The following LMX1B variants were observed in gnomAD, a reference collection of about 807,000 sequenced individuals.
LMX1B encodes the protein LIM homeobox transcription factor 1 beta, also known as LIM homeobox transcription factor 1-beta.
In LMX1B, 12 loss-of-function variants were observed where a neutral mutation model predicts 51.4. The ratio of observed to expected loss-of-function variants is 0.23; its 90% CI spans 0.15 to 0.38. The LOEUF is 0.38. LMX1B is among the 10% of genes least tolerant of loss of function. The pLI is 1.00. For synonymous variants in LMX1B, 237 were observed against 235.4 expected (o/e 1.01, Z -0.06); for missense variants, 445 against 571.1 (o/e 0.78, Z 2.25).
intron 2 of LMX1B, among the ~76,000 whole-genome samples, chr9:126,631,138 G>A (rs1413951489): frequency 1.3e-5 from 2 of 152,266 alleles, no homozygotes; most frequent in Admixed American, 6.5e-5. Flanking sequence ...ACCCCTGGAG[G>A]AGGATGGAGC....
rs1835259508 is a variant in LMX1B at position 126,614,449 on chromosome 9, C to T, written c.-1C>T. 1.3e-6 allele frequency: 2 copies of T among 1,532,176 alleles called. No individual in the cohort carries two copies. The highest frequency in any genetic ancestry group is 2.8e-5 in the African/African-American group (2 of 71,200). 94.9% of individuals were successfully genotyped at this position (1,532,176 alleles called of 1,614,324 possible). A position where few individuals can be genotyped will look rare whatever the true frequency, so the allele number is the denominator to read the frequency against. On this transcript the variant is annotated 5_prime_UTR_variant, in exon 1 of 8. Coordinates refer to ENST00000373474, the MANE Select transcript of LMX1B (RefSeq NM_001174147.2). The stretch of plus-strand genomic sequence containing the variant: ...GGGGTCCGCAGCGCGCCCCGCGTCC[C>T]ATGGATATAGCAACAGGTCCCGAGT...
intron 2 of LMX1B, among the ~76,000 whole-genome samples, chr9:126,687,632 C>T (rs1436021073): frequency 6.6e-6 from 1 of 152,216 alleles, no homozygotes; most frequent in Non-Finnish European, 1.5e-5. Context: ...GCCCGCCACA[C>T]CTGCTGCTTT....
chr9:126,652,888 C>T lies in LMX1B; in HGVS notation c.326+37319C>T, dbSNP rs114533384. 7.2e-3 allele frequency among the ~76,000 whole-genome samples: 1,088 copies of T among 152,130 alleles called. 9 individuals are homozygous for T. Among genetic ancestry groups the T allele is most frequent in the African/African-American group, 0.025 (1,038 of 41,482 alleles). On this transcript the variant is annotated intron_variant, in intron 2 of 7. Transcript: ENST00000373474. ...CATGGATGCTGAGGTGTAGCCCCAG[C>T]GGGTGTTGATGGAGAAGAAAAGAGC...
Position 126,677,701 on chromosome 9 carries a change from CGTGAGTGTAACGTCTA to C in LMX1B, c.327-13132_327-13117del, listed in dbSNP as rs759382703. ...CTGAGCACAGGGCTGAACTGGTTCC[CGTGAGTGTAACGTCTA>C]GTAGGAGCGTCTGCCAGCTTCATTC... On this transcript the variant is annotated intron_variant, in intron 2 of 7. Transcript: ENST00000373474. The surrounding 1 kb of genome is among the most constrained non-coding windows in gnomAD (Gnocchi z 5.0). Among the ~76,000 whole-genome samples, 9 of 152,158 alleles carry C rather than the reference CGTGAGTGTAACGTCTA, an allele frequency of 5.9e-5. No homozygotes were observed. The highest frequency in any genetic ancestry group is 1.3e-4 in the Non-Finnish European group (9 of 68,036).
intron 2 of LMX1B, among the ~76,000 whole-genome samples, chr9:126,630,717 T>C (rs1468697118): frequency 1.3e-5 from 2 of 152,310 alleles, no homozygotes; most frequent in East Asian, 1.9e-4. Flanking sequence ...TTTGCAAATA[T>C]ATAGTGAAAG....
chr9:126,625,526 G>GGGGCAGAT lies in LMX1B; in HGVS notation c.326+9958_326+9965dup, dbSNP rs1835507742. ...GAGATGCCAGGCTGGGGCCCTCGGC[G>GGGGCAGAT]GGGCAGATTTCGTTGGATCCCTGGG... On this transcript the variant is annotated intron_variant, in intron 2 of 7. Coordinates refer to ENST00000373474, the MANE Select transcript of LMX1B (RefSeq NM_001174147.2). This position sits in a 1 kb window ranked among gnomAD's most constrained non-coding sequence, Gnocchi z 5.3. Among the ~76,000 whole-genome samples, 1 of 152,202 alleles carries GGGGCAGAT rather than the reference G, an allele frequency of 6.6e-6. No homozygotes were observed. The highest frequency in any genetic ancestry group is 2.4e-5 in the African/African-American group (1 of 41,450).
chr9:126,625,495 C>T lies in LMX1B; in HGVS notation c.326+9926C>T, dbSNP rs1835506822. The stretch of plus-strand genomic sequence containing the variant: ...GCGGGATTGACCAGAAGAGAGAGGC[C>T]GAATGGAGATGCCAGGCTGGGGCCC... On this transcript the variant is annotated intron_variant, in intron 2 of 7. Transcript: ENST00000373474. The surrounding 1 kb of genome is among the most constrained non-coding windows in gnomAD (Gnocchi z 5.3). Among the ~76,000 whole-genome samples, 1 of 152,208 alleles carries T rather than the reference C, an allele frequency of 6.6e-6. No individual in the cohort carries two copies. The highest frequency in any genetic ancestry group is 2.4e-5 in the African/African-American group (1 of 41,456).
At position 126,671,330 on chromosome 9, in the gene LMX1B, A is replaced by G. The variant is rs1465219718; in HGVS notation, c.327-19506A>G. 6.6e-6 allele frequency among the ~76,000 whole-genome samples: 1 copy of G among 152,028 alleles called. No homozygotes were observed. ...GTGAAAACCCACAAATATCAGCTAA[A>G]TGAGGTGCGCCAGCAGAAGGCCCGC... On this transcript the variant is annotated intron_variant, in intron 2 of 7. Coordinates refer to ENST00000373474, the MANE Select transcript of LMX1B (RefSeq NM_001174147.2). The surrounding 1 kb of genome is among the most constrained non-coding windows in gnomAD (Gnocchi z 4.4).
At chr9:126,694,758 C>T (rs2030265978) in intron 6 of LMX1B, among the ~76,000 whole-genome samples, 1 of 152,148 alleles carries the variant, frequency 6.6e-6, no homozygotes, top group African/African-American at 2.4e-5. Context: ...TTCCTCGCTT[C>T]CCCCTCTGCC....
rs371380792 is a variant in LMX1B at position 126,696,705 on chromosome 9, G to A, written c.*254G>A. 1.3e-5 allele frequency: 7 copies of A among 555,014 alleles called. No homozygotes were observed. Among genetic ancestry groups the A allele is most frequent in the African/African-American group, 5.7e-5 (3 of 52,834 alleles). The allele number at this position is 555,014 out of a possible 1,614,324, so 34.4% of individuals were successfully genotyped here. A position where few individuals can be genotyped will look rare whatever the true frequency, so the allele number is the denominator to read the frequency against. On this transcript the variant is annotated 3_prime_UTR_variant, in exon 8 of 8. Transcript: ENST00000373474. ...CCCCAGGGACCCAGAGCTCTCGGAC[G>A]GCCACTCGCCTCCCAGCCCCACCTC...
Position 126,614,313 on chromosome 9 carries a change from T to G in LMX1B, c.-137T>G. On this transcript the variant is annotated 5_prime_UTR_variant, in exon 1 of 8. Coordinates refer to ENST00000373474, the MANE Select transcript of LMX1B (RefSeq NM_001174147.2). ...GGGCCAGCGCGTCGCCGCTCCACGATCGCCGGGGGCCGGCGCAACCCCTGC... is the reference window on the plus strand; with the variant it reads ...GGGCCAGCGCGTCGCCGCTCCACGAGCGCCGGGGGCCGGCGCAACCCCTGC... 6.7e-6 allele frequency: 3 copies of G among 447,928 alleles called. No individual in the cohort carries two copies. The highest frequency in any genetic ancestry group is 1.6e-4 in the East Asian group (1 of 6,182). The allele number at this position is 447,928 out of a possible 1,614,324, so 27.7% of individuals were successfully genotyped here. A position where few individuals can be genotyped will look rare whatever the true frequency, so the allele number is the denominator to read the frequency against.
At position 126,623,545 on chromosome 9, in the gene LMX1B, T is replaced by C. The variant is rs187767064; in HGVS notation, c.326+7976T>C. 4.4e-4 allele frequency among the ~76,000 whole-genome samples: 67 copies of C among 152,236 alleles called. No individual in the cohort carries two copies. The East Asian group carries it at 0.013, about 29-fold the overall frequency. On this transcript the variant is annotated intron_variant, in intron 2 of 7. Transcript: ENST00000373474. ...GGCCCAGAGTTAACTCTGTAGCAGA[T>C]TTTTCCCGGCCCAGAGTTACCCTGT...
chr9:126,636,302 G>C (rs564841204), intron 2 of LMX1B, among the ~76,000 whole-genome samples: 1 of 152,186 alleles, frequency 6.6e-6, no homozygotes, highest in South Asian at 2.1e-4. Context: ...CCCAGACTTA[G>C]GGGCTGGAAG....
chr9:126,669,941 A>G (rs1836419517), intron 2 of LMX1B, among the ~76,000 whole-genome samples: 1 of 152,038 alleles, frequency 6.6e-6, no homozygotes. Context: ...GGGGTAGGAG[A>G]GAAATGAAGC....
Position 126,700,418 on chromosome 9 carries a change from T to C in LMX1B, c.*3967T>C, listed in dbSNP as rs537335084. ...ATTCCCCACTCTGCCCCCATCTGAA[T>C]GTCCTTTTCATGTTGCACGCAGGGA... On this transcript the variant is annotated 3_prime_UTR_variant, in exon 8 of 8. Coordinates refer to ENST00000373474, the MANE Select transcript of LMX1B (RefSeq NM_001174147.2). 1 of 152,246 alleles carries C rather than the reference T, an allele frequency of 6.6e-6. No individual in the cohort carries two copies. Among genetic ancestry groups the C allele is most frequent in the Non-Finnish European group, 1.5e-5 (1 of 68,080 alleles). 9.4% of individuals were successfully genotyped at this position (152,246 alleles called of 1,614,324 possible). A position where few individuals can be genotyped will look rare whatever the true frequency, so the allele number is the denominator to read the frequency against.
intron 3 of LMX1B, 95 bp from the exon 4 acceptor site, chr9:126,693,047 A>T: frequency 7.7e-7 from 1 of 1,301,126 alleles, no homozygotes. Flanking sequence ...CAGAGGGGAC[A>T]GGCTCCCATC....
At chr9:126,661,439 G>A (rs1274598434) in intron 2 of LMX1B, among the ~76,000 whole-genome samples, 3 of 152,214 alleles carry the variant, frequency 2.0e-5, no homozygotes, top group African/African-American at 7.2e-5. Context: ...GGGTATGGTG[G>A]GTGGAGGGCC....
chr9:126,676,274 G>A (rs1362698871), intron 2 of LMX1B, among the ~76,000 whole-genome samples: 3 of 152,014 alleles, frequency 2.0e-5, no homozygotes, highest in Non-Finnish European at 4.4e-5. Context: ...CTGGCTGATC[G>A]CCCTCCTCTC....
intron 2 of LMX1B, among the ~76,000 whole-genome samples, chr9:126,656,899 C>CA (rs1836128936): frequency 6.6e-6 from 1 of 152,208 alleles, no homozygotes; most frequent in African/African-American, 2.4e-5. Context: ...CCCCTTGAGG[C>CA]AAAATCACCT....
Sources: gnomAD v4.1 joint callset for allele counts (sites outside exome capture counted in the v4.1 genomes callset) on GRCh38, gnomAD v4.1.1 for gene constraint, Gnocchi (gnomAD v3.1) non-coding constraint, MANE v1.5 for transcripts, NCBI Gene and HGNC (gene_info 2026-07-23, HGNC 2026-07-21) for gene names.